Variants in DOCK2 observed in about 807,000 individuals in gnomAD.
The protein encoded by DOCK2 is dedicator of cytokinesis 2, also known as dedicator of cytokinesis protein 2.
In DOCK2, 87 loss-of-function variants were observed where a neutral mutation model predicts 248.9. The ratio of observed to expected loss-of-function variants is 0.35; its 90% confidence interval spans 0.29 to 0.42. The LOEUF (loss-of-function observed/expected upper bound fraction) is 0.42. Ranked by LOEUF, DOCK2 falls within the 10% of genes least tolerant of loss-of-function variation. The pLI is 1.00. For synonymous variants in DOCK2, 805 were observed against 821.6 expected (o/e 0.98, Z 0.35); for missense variants, 1,747 against 2,300.2 (o/e 0.76, Z 4.92).
chr5:169,777,981 T>G (rs1228278898), intron 25 of DOCK2, among the ~76,000 whole-genome samples: 1 of 152,168 alleles, frequency 6.6e-6, no homozygotes, highest in Non-Finnish European at 1.5e-5. Flanking sequence ...ATGAGAAGCT[T>G]GAATGAGGGG....
chr5:169,777,469 G>A (rs938239805), intron 25 of DOCK2, among the ~76,000 whole-genome samples: 1 of 152,190 alleles, frequency 6.6e-6, no homozygotes, highest in Non-Finnish European at 1.5e-5. Flanking sequence ...GGAACCAGAC[G>A]CCACAGTGGA....
intron 27 of DOCK2, among the ~76,000 whole-genome samples, chr5:169,948,098 G>A (rs62386597): frequency 1.2e-4 from 18 of 151,518 alleles, no homozygotes; most frequent in Non-Finnish European, 2.2e-4. Context: ...GCCACCATTC[G>A]GTACACACCC....
At chr5:169,761,656 G>A (rs2113740274) in intron 25 of DOCK2, 31 bp downstream of exon 25, 1 of 1,591,738 alleles carries the variant, frequency 6.3e-7, no homozygotes, top group Non-Finnish European at 8.6e-7. Flanking sequence ...CTGGGGTGGG[G>A]TAAGGGGCCA....
chr5:169,843,948 T>G (rs1276352880), intron 27 of DOCK2, among the ~76,000 whole-genome samples: 4 of 152,208 alleles, frequency 2.6e-5, no homozygotes, highest in Non-Finnish European at 5.9e-5. Flanking sequence ...GTTTATCCAG[T>G]CACTAGTGGA....
chr5:170,013,128 G>A (rs907875989), intron 32 of DOCK2, among the ~76,000 whole-genome samples: 9 of 152,142 alleles, frequency 5.9e-5, no homozygotes, highest in Admixed American at 4.6e-4. Flanking sequence ...GGAGGACCAT[G>A]TCAGGACTGA....
chr5:169,770,954 C>T (rs769771705), intron 25 of DOCK2, among the ~76,000 whole-genome samples: 1 of 152,176 alleles, frequency 6.6e-6, no homozygotes, highest in Non-Finnish European at 1.5e-5. Context: ...GTTCAAGAGT[C>T]TCCTTTGGGG....
intron 27 of DOCK2, chr5:169,881,385 C>A: frequency 6.4e-7 from 1 of 1,551,474 alleles, no homozygotes; most frequent in African/African-American, 1.4e-5. Flanking sequence ...TGATGCACGC[C>A]GTGTTCTGGC....
intron 27 of DOCK2, among the ~76,000 whole-genome samples, chr5:169,918,374 A>G (rs1774987881): frequency 6.6e-6 from 1 of 152,186 alleles, no homozygotes; most frequent in African/African-American, 2.4e-5. Flanking sequence ...AATTACTCAC[A>G]CACATGTACA....
chr5:169,781,017 A>G (rs1765682656), intron 25 of DOCK2, among the ~76,000 whole-genome samples: 1 of 152,218 alleles, frequency 6.6e-6, no homozygotes, highest in Non-Finnish European at 1.5e-5. Flanking sequence ...ATTCCAGTTC[A>G]GGGTCCTGGT....
intron 33 of DOCK2, among the ~76,000 whole-genome samples, chr5:170,026,064 C>T (rs569365398): frequency 1.5e-4 from 23 of 152,122 alleles, no homozygotes; most frequent in African/African-American, 5.1e-4. Context: ...GGCAACTCAC[C>T]GGAAATTCTT....
In DOCK2 at chr5:169,677,825, C is replaced by T. The variant is rs571767518; in HGVS notation, c.470+3380C>T. Among the ~76,000 whole-genome samples, 19 of 152,348 alleles carry T rather than the reference C, an allele frequency of 1.2e-4. No individual in the cohort carries two copies. The South Asian group carries it at 3.9e-3, about 32-fold the overall frequency. On this transcript the variant is annotated intron_variant, in intron 6 of 51. Coordinates refer to ENST00000520908, the MANE Select transcript of DOCK2 (RefSeq NM_004946.3). ...CCAGCCATGGGGAAACATACAGGCT[C>T]ACCCCTCTGGAAACCACTTCAAAAC...
chr5:169,734,096 AT>A (rs1762916616), intron 22 of DOCK2, among the ~76,000 whole-genome samples: 1 of 151,824 alleles, frequency 6.6e-6, no homozygotes, highest in South Asian at 2.1e-4. Context: ...TTCTCGGTTC[AT>A]TCTGCCTAAT....
At chr5:169,869,517 T>C (rs1278451945) in intron 27 of DOCK2, among the ~76,000 whole-genome samples, 1 of 152,208 alleles carries the variant, frequency 6.6e-6, no homozygotes, top group African/African-American at 2.4e-5. Flanking sequence ...CACTACAGTT[T>C]GGAAGGGAGG....
chr5:169,853,171 A>T (rs1277333607), intron 27 of DOCK2, among the ~76,000 whole-genome samples: 1 of 152,232 alleles, frequency 6.6e-6, no homozygotes, highest in Non-Finnish European at 1.5e-5. Flanking sequence ...TGTGCCTTTT[A>T]TCTTCCACCA....
chr5:169,819,691 G>A (rs1328005155), intron 26 of DOCK2, among the ~76,000 whole-genome samples: 1 of 152,218 alleles, frequency 6.6e-6, no homozygotes, highest in Non-Finnish European at 1.5e-5. Context: ...CTCCCAGCGT[G>A]AGCGACACAG....
intron 41 of DOCK2, among the ~76,000 whole-genome samples, chr5:170,052,262 A>G (rs1019452230): frequency 3.9e-5 from 6 of 152,158 alleles, no homozygotes; most frequent in African/African-American, 1.4e-4. Flanking sequence ...TATTTGCAGG[A>G]TCAAATGCAA....
intron 25 of DOCK2, among the ~76,000 whole-genome samples, chr5:169,783,840 A>G (rs546737083): frequency 6.6e-6 from 1 of 152,356 alleles, no homozygotes; most frequent in African/African-American, 2.4e-5. Flanking sequence ...CCAATAAGCA[A>G]GCTTGCAGAT....
intron 2 of DOCK2, among the ~76,000 whole-genome samples, chr5:169,657,340 A>G (rs1346123130): frequency 2.6e-5 from 4 of 152,244 alleles, no homozygotes; most frequent in African/African-American, 4.8e-5. Context: ...GAAAACCACA[A>G]TGTTAGTCAA....
intron 20 of DOCK2, 90 bp from the exon 21 acceptor site, chr5:169,717,294 G>T: frequency 9.4e-7 from 1 of 1,066,730 alleles, no homozygotes; most frequent in Non-Finnish European, 1.4e-6. Flanking sequence ...CTGGGCAAAG[G>T]ATTTTAATGG....
Sources: allele counts gnomAD v4.1 joint callset (sites outside exome capture counted in the v4.1 genomes callset), GRCh38; gene constraint gnomAD v4.1.1; transcripts MANE v1.5; gene names NCBI Gene and HGNC (gene_info 2026-07-23, HGNC 2026-07-21).